Variants in ZBTB44 observed in about 807,000 individuals in gnomAD.
The protein encoded by ZBTB44 is zinc finger and BTB domain containing 44, also known as zinc finger and BTB domain-containing protein 44.
A neutral mutation model predicts 54.0 loss-of-function variants in ZBTB44; 15 were observed. That is an observed-to-expected ratio of 0.28 (90% CI 0.19 to 0.43). The LOEUF (loss-of-function observed/expected upper bound fraction) is 0.43. Ranked by LOEUF, ZBTB44 falls within the 20% of genes least tolerant of loss-of-function variation. ZBTB44 has a pLI of 1.00. For missense variants in ZBTB44, 487 were observed against 707.1 expected (o/e 0.69, Z 3.53); for synonymous variants, 230 against 250.1 (o/e 0.92, Z 0.76).
At position 130,261,344 on chromosome 11, in the gene ZBTB44, C is replaced by G. The variant is rs1938852615; in HGVS notation, c.530G>C (p.Cys177Ser). 1 of 1,613,940 alleles carries G rather than the reference C, an allele frequency of 6.2e-7. No homozygotes were observed. Among genetic ancestry groups the G allele is most frequent in the Non-Finnish European group, 8.5e-7 (1 of 1,179,890 alleles). The change falls in exon 2 of 8, where the codon TGC (cysteine) becomes TCC (serine). Residue 177 changes from cysteine to serine, a missense_variant. This residue lies in a region of ZBTB44 where 277 missense variants were observed against 306.5 expected (regional missense o/e 0.90). Transcript: ENST00000357899. This position sits in a 1 kb window ranked among gnomAD's most constrained non-coding sequence, Gnocchi z 4.8. ...CSVVERTIPV[C>S]RESRRKRKSY... ...TTTGCGCTTTCTCCGGGATTCTCGG[C>G]AGACAGGAATGGTTCTTTCTACCAC...
At position 130,261,852 on chromosome 11, in the gene ZBTB44, G is replaced by A; in HGVS notation, c.22C>T (p.His8Tyr). Reference protein sequence around the residue: MGVKTFTHSSSSHSQEML... With the variant: MGVKTFTYSSSSHSQEML... Reference sequence around the variant, plus strand: ...TCCTGGCTGTGGGAAGAGGAGCTATGAGTAAATGTTTTCACACCCATCTTT... The same window carrying A: ...TCCTGGCTGTGGGAAGAGGAGCTATAAGTAAATGTTTTCACACCCATCTTT... Residue 8 changes from histidine (H) to tyrosine (Y), a missense_variant, in exon 2 of 8, where the codon CAT becomes TAT. Transcript: ENST00000357899. The surrounding 1 kb of genome is among the most constrained non-coding windows in gnomAD (Gnocchi z 4.8). 4 of 1,608,978 alleles carry A rather than the reference G, an allele frequency of 2.5e-6. No homozygotes were observed. Among genetic ancestry groups the A allele is most frequent in the Non-Finnish European group, 3.4e-6 (4 of 1,176,206 alleles).
At chr11:130,265,846 T>C (rs1030484509) in intron 1 of ZBTB44, among the ~76,000 whole-genome samples, 4 of 152,170 alleles carry the variant, frequency 2.6e-5, no homozygotes, top group Admixed American at 1.3e-4. Flanking sequence ...CAGAAGTTGA[T>C]TCATGAGGTT....
intron 1 of ZBTB44, among the ~76,000 whole-genome samples, chr11:130,277,223 T>C (rs78785476): frequency 0.017 from 2,633 of 152,340 alleles, 88 homozygotes; most frequent in African/African-American, 0.06. Context: ...ACTTTTGTAT[T>C]ATTTTCTAAT....
chr11:130,311,683 T>C (rs973901382), intron 1 of ZBTB44, among the ~76,000 whole-genome samples: 2 of 152,164 alleles, frequency 1.3e-5, no homozygotes, highest in East Asian at 3.8e-4. Flanking sequence ...CTAGAAGCAA[T>C]GATACTGCAG....
In ZBTB44 at chr11:130,228,948, A is replaced by C. The variant is rs1397203782; in HGVS notation, c.*2816T>G. 2.0e-5 allele frequency: 3 copies of C among 152,148 alleles called. No individual in the cohort carries two copies. Among genetic ancestry groups the C allele is most frequent in the African/African-American group, 7.2e-5 (3 of 41,432 alleles). The allele number at this position is 152,148 out of a possible 1,614,324, so 9.4% of individuals were successfully genotyped here. A position where few individuals can be genotyped will look rare whatever the true frequency, so the allele number is the denominator to read the frequency against. ...CCAGGTACTTTGAACAAAAACTAAA[A>C]ATTTTAAAGTTAAAAAAAGTTTTGT... is the stretch of plus-strand genomic sequence containing the variant. On this transcript the variant is annotated 3_prime_UTR_variant, in exon 8 of 8. Coordinates refer to ENST00000357899, the MANE Select transcript of ZBTB44 (RefSeq NM_001301098.2).
Position 130,227,312 on chromosome 11 carries a change from C to T in ZBTB44, c.*4452G>A, listed in dbSNP as rs941698956. 3 of 152,142 alleles carry T rather than the reference C, an allele frequency of 2.0e-5. No homozygotes were observed. Among genetic ancestry groups the T allele is most frequent in the Non-Finnish European group, 4.4e-5 (3 of 68,026 alleles). 9.4% of individuals were successfully genotyped at this position (152,142 alleles called of 1,614,324 possible). The stretch of plus-strand genomic sequence containing the variant: ...GCCAGTGTCACCAAGTAAAGCCATA[C>T]TTGAATGAGATGACGACTGGATACA... On this transcript the variant is annotated 3_prime_UTR_variant, in exon 8 of 8. Coordinates refer to ENST00000357899, the MANE Select transcript of ZBTB44 (RefSeq NM_001301098.2).
chr11:130,296,050 G>A lies in ZBTB44; in HGVS notation c.-57+18325C>T, dbSNP rs1941622403. 3 of 1,584,120 alleles carry A rather than the reference G, an allele frequency of 1.9e-6. No homozygotes were observed. The Admixed American group carries it at 5.0e-5, about 26-fold the overall frequency. On this transcript the variant is annotated intron_variant, in intron 1 of 7. Transcript: ENST00000357899. ...CCTGCAGTGTCTGGTTATTGATGAA[G>A]CTGATCGTATCTTGGATGTTGGGTA...
intron 1 of ZBTB44, among the ~76,000 whole-genome samples, chr11:130,308,549 T>G (rs1942403890): frequency 6.6e-6 from 1 of 152,194 alleles, no homozygotes; most frequent in Admixed American, 6.5e-5. Flanking sequence ...TAATGTGAGA[T>G]TTAAATAAGA....
intron 1 of ZBTB44, among the ~76,000 whole-genome samples, chr11:130,297,513 C>T (rs1011436957): frequency 3.9e-5 from 6 of 152,230 alleles, no homozygotes; most frequent in Admixed American, 2.6e-4. Context: ...TCCTAAACCC[C>T]AGTGCCTCAG....
chr11:130,311,562 A>ATTTG (rs1942608737), intron 1 of ZBTB44, among the ~76,000 whole-genome samples: 1 of 152,210 alleles, frequency 6.6e-6, no homozygotes, highest in Non-Finnish European at 1.5e-5. Context: ...AGAGACAAAT[A>ATTTG]TAGAGTCAAG....
rs1312834633 is a variant in ZBTB44 at position 130,261,920 on chromosome 11, C to G, written c.-47G>C. The stretch of plus-strand genomic sequence containing the variant: ...ATGCTCTTCAAGGATGCAAATAAAT[C>G]AGAAATGTCCTAAAAAATACATAAA... On this transcript the variant is annotated 5_prime_UTR_variant, in exon 2 of 8. Transcript: ENST00000357899. This position sits in a 1 kb window ranked among gnomAD's most constrained non-coding sequence, Gnocchi z 4.8. The G allele has an allele frequency of 1.3e-6, 2 of 1,508,812 alleles. No individual in the cohort carries two copies. Among genetic ancestry groups the G allele is most frequent in the African/African-American group, 1.4e-5 (1 of 71,850 alleles). The allele number at this position is 1,508,812 out of a possible 1,614,324, so 93.5% of individuals were successfully genotyped here. A position where few individuals can be genotyped will look rare whatever the true frequency, so the allele number is the denominator to read the frequency against.
chr11:130,301,751 A>G (rs533285926), intron 1 of ZBTB44, among the ~76,000 whole-genome samples: 1 of 152,326 alleles, frequency 6.6e-6, no homozygotes, highest in South Asian at 2.1e-4. Flanking sequence ...ATTTTATATT[A>G]AAAGTAGTAA....
intron 1 of ZBTB44, among the ~76,000 whole-genome samples, chr11:130,262,933 G>C (rs975569271): frequency 6.6e-6 from 1 of 152,128 alleles, no homozygotes; most frequent in Non-Finnish European, 1.5e-5. Flanking sequence ...TGGTGGCATG[G>C]GCCTGTAGTC....
intron 1 of ZBTB44, among the ~76,000 whole-genome samples, chr11:130,272,986 G>C (rs181388087): frequency 5.9e-4 from 90 of 152,210 alleles, no homozygotes; most frequent in African/African-American, 2.1e-3. Flanking sequence ...AAGAAGCTGA[G>C]TCCTCTTATT....
chr11:130,239,610 G>A (rs1954264321), intron 3 of ZBTB44: 1 of 419,290 alleles, frequency 2.4e-6, no homozygotes, highest in South Asian at 2.7e-5. Context: ...AATGGGACTA[G>A]GTAGTTTTGG....
At chr11:130,250,328 G>A (rs1301456368) in intron 2 of ZBTB44, among the ~76,000 whole-genome samples, 1 of 152,212 alleles carries the variant, frequency 6.6e-6, no homozygotes, top group Non-Finnish European at 1.5e-5. Flanking sequence ...GGGCGGCTGT[G>A]GGCGCAGCTT....
At chr11:130,305,355 T>G (rs945064036) in intron 1 of ZBTB44, among the ~76,000 whole-genome samples, 1 of 152,172 alleles carries the variant, frequency 6.6e-6, no homozygotes, top group African/African-American at 2.4e-5. Context: ...GACTTCAAAC[T>G]ACACTACAAG....
At chr11:130,295,091 T>A (rs1233305316) in intron 1 of ZBTB44, among the ~76,000 whole-genome samples, 1 of 151,704 alleles carries the variant, frequency 6.6e-6, no homozygotes, top group Non-Finnish European at 1.5e-5. Flanking sequence ...CACCTGCCAA[T>A]GAAAAACTCC....
chr11:130,303,085 T>C (rs537529281), intron 1 of ZBTB44, among the ~76,000 whole-genome samples: 2 of 152,308 alleles, frequency 1.3e-5, no homozygotes, highest in South Asian at 2.1e-4. Context: ...TTTAATAAAA[T>C]ACACTATTGG....
Sources: allele counts gnomAD v4.1 joint callset (sites outside exome capture counted in the v4.1 genomes callset), GRCh38; gene constraint gnomAD v4.1.1; regional missense constraint gnomAD v4.1.1; non-coding constraint Gnocchi (gnomAD v3.1); transcripts MANE v1.5; gene names NCBI Gene and HGNC (gene_info 2026-07-23, HGNC 2026-07-21).